CDH13: variants seen among roughly 807,000 people sequenced by gnomAD.
The protein encoded by CDH13 is cadherin 13.
Under a neutral mutation model 63.8 loss-of-function variants are expected in CDH13, and 24 were observed. That is an observed-to-expected ratio of 0.38 (90% CI 0.27 to 0.53). The LOEUF (loss-of-function observed/expected upper bound fraction) is 0.53, where lower values mean the gene tolerates loss of function less well. CDH13 is among the 20% of genes least tolerant of loss of function. The pLI, the probability that CDH13 is intolerant of heterozygous loss-of-function variation, is 0.85. For missense variants in CDH13, 1,049 were observed against 903.1 expected (o/e 1.16, Z -2.07); for synonymous variants, 503 against 355.3 (o/e 1.42, Z -4.67).
chr16:82,868,066 A>T (rs2040213549), intron 2 of CDH13, among the ~76,000 whole-genome samples: 1 of 152,200 alleles, frequency 6.6e-6, no homozygotes, highest in South Asian at 2.1e-4. Context: ...TGGGAGACTG[A>T]TTAATTGATT....
At chr16:82,808,574 G>T (rs74910220) in intron 1 of CDH13, among the ~76,000 whole-genome samples, 1,637 of 152,248 alleles carry the variant, frequency 0.011, 29 homozygotes, top group African/African-American at 0.037. Flanking sequence ...CAAGAAGAAG[G>T]CTCTTTTTCT....
chr16:83,563,598 T>C (rs1030635454), intron 7 of CDH13, among the ~76,000 whole-genome samples: 21 of 152,182 alleles, frequency 1.4e-4, no homozygotes, highest in African/African-American at 5.1e-4. Flanking sequence ...AAATTTTACA[T>C]ATAGCCTTAC....
chr16:83,498,582 A>G (rs1245629503), intron 7 of CDH13, among the ~76,000 whole-genome samples: 1 of 152,216 alleles, frequency 6.6e-6, no homozygotes, highest in Non-Finnish European at 1.5e-5. Flanking sequence ...TGACTTTGAT[A>G]GGAATCTAAT....
In CDH13 at chr16:82,683,281, C is replaced by G. The variant is rs75306453; in HGVS notation, c.45+56144C>G. Among the ~76,000 whole-genome samples, 820 of 152,292 alleles carry G rather than the reference C, an allele frequency of 5.4e-3. 4 individuals carry two copies. The highest frequency in any genetic ancestry group is 0.019 in the African/African-American group (770 of 41,560). On this transcript the variant is annotated intron_variant, in intron 1 of 13. Coordinates refer to ENST00000567109, the MANE Select transcript of CDH13 (RefSeq NM_001257.5). ...GTTTGATCTGCAGGAACCTAGCCTT[C>G]TGGTCTAACCTTTCTAGCTTGTCTG...
chr16:83,195,376 C>G (rs1036435700), intron 4 of CDH13, among the ~76,000 whole-genome samples: 1 of 152,186 alleles, frequency 6.6e-6, no homozygotes, highest in African/African-American at 2.4e-5. Context: ...CATGGTTCCA[C>G]AGGCTGTCCA....
chr16:83,385,244 A>T (rs2091649851), intron 6 of CDH13, among the ~76,000 whole-genome samples: 1 of 152,248 alleles, frequency 6.6e-6, no homozygotes, highest in Non-Finnish European at 1.5e-5. Flanking sequence ...AAATAGTACC[A>T]GTTTTTGTAA....
intron 7 of CDH13, among the ~76,000 whole-genome samples, chr16:83,540,922 A>G (rs1227120515): frequency 1.3e-5 from 2 of 152,188 alleles, no homozygotes; most frequent in African/African-American, 4.8e-5. Context: ...GAGCCACTGC[A>G]CCTGGCCTAT....
At chr16:83,115,314 T>C (rs572539537) in intron 3 of CDH13, among the ~76,000 whole-genome samples, 22 of 152,344 alleles carry the variant, frequency 1.4e-4, no homozygotes, top group African/African-American at 5.3e-4. Context: ...GAGATAATCA[T>C]ACAATGTGTT....
At chr16:82,757,662 G>T (rs35013935) in intron 1 of CDH13, among the ~76,000 whole-genome samples, 65,964 of 101,436 alleles carry the variant, frequency 0.65, 19,625 homozygotes, top group African/African-American at 0.71. Flanking sequence ...TTTTTTTTTT[G>T]GGGACAGAGT....
chr16:83,743,434 A>G (rs934158561), intron 10 of CDH13, among the ~76,000 whole-genome samples: 1 of 152,176 alleles, frequency 6.6e-6, no homozygotes, highest in Admixed American at 6.5e-5. Context: ...TCATGTCTCT[A>G]AGCATTTTAT....
intron 1 of CDH13, among the ~76,000 whole-genome samples, chr16:82,854,785 T>G (rs2039623883): frequency 1.3e-5 from 2 of 152,228 alleles, no homozygotes; most frequent in African/African-American, 4.8e-5. Flanking sequence ...TATATTTTCC[T>G]TTCCAGTTAA....
intron 7 of CDH13, among the ~76,000 whole-genome samples, chr16:83,515,316 A>T (rs1365044064): frequency 6.6e-6 from 1 of 152,108 alleles, no homozygotes; most frequent in African/African-American, 2.4e-5. Flanking sequence ...TTTGCACGAC[A>T]TTTCTCTTTT....
intron 10 of CDH13, among the ~76,000 whole-genome samples, chr16:83,702,201 A>G (rs1374629322): frequency 4.2e-4 from 64 of 152,136 alleles, no homozygotes; most frequent in Non-Finnish European, 1.5e-5. Context: ...CCTCCTTGGT[A>G]CTCACTTGGC....
At chr16:82,954,762 A>C (rs1905812303) in intron 2 of CDH13, 1 of 152,028 alleles carries the variant, frequency 6.6e-6, no homozygotes, top group South Asian at 2.1e-4. Context: ...AAAAAAAAAA[A>C]AACACTATCC....
chr16:83,058,148 C>T (rs1231443655), intron 3 of CDH13, among the ~76,000 whole-genome samples: 1 of 152,110 alleles, frequency 6.6e-6, no homozygotes, highest in Non-Finnish European at 1.5e-5. Context: ...GTTTGTTGAA[C>T]TTCATGAGTT....
intron 4 of CDH13, among the ~76,000 whole-genome samples, chr16:83,152,756 G>A (rs768571316): frequency 5.9e-5 from 9 of 152,198 alleles, no homozygotes; most frequent in Non-Finnish European, 8.8e-5. Flanking sequence ...CTAACCTCTG[G>A]TCTCTCAGAA....
At chr16:82,802,650 T>G (rs1329203134) in intron 1 of CDH13, among the ~76,000 whole-genome samples, 1 of 152,190 alleles carries the variant, frequency 6.6e-6, no homozygotes, top group Non-Finnish European at 1.5e-5. Flanking sequence ...CCGCATCTTA[T>G]AAGAAGTGCA....
chr16:82,790,584 T>C (rs2036251752), intron 1 of CDH13, among the ~76,000 whole-genome samples: 1 of 152,222 alleles, frequency 6.6e-6, no homozygotes, highest in African/African-American at 2.4e-5. Context: ...AGTAGGGTAG[T>C]GTATTAGTCC....
At chr16:82,666,855 C>T (rs773525037) in intron 1 of CDH13, among the ~76,000 whole-genome samples, 1 of 152,156 alleles carries the variant, frequency 6.6e-6, no homozygotes, top group Non-Finnish European at 1.5e-5. Flanking sequence ...CCAAACGATG[C>T]TATGCCACAT....
Sources: allele counts gnomAD v4.1 joint callset (sites outside exome capture counted in the v4.1 genomes callset), GRCh38; gene constraint gnomAD v4.1.1; transcripts MANE v1.5; gene names NCBI Gene and HGNC (gene_info 2026-07-23, HGNC 2026-07-21).